EML6: variants seen among roughly 807,000 people sequenced by gnomAD.
The protein encoded by EML6 is echinoderm microtubule-associated protein-like 6.
Under a neutral mutation model 240.1 loss-of-function variants are expected in EML6, and 154 were observed. The observed-to-expected ratio is 0.64, with a 90% confidence interval of 0.56 to 0.73. EML6 has a LOEUF of 0.73. Ranked by LOEUF, EML6 falls within the 30% of genes least tolerant of loss-of-function variation. The probability of loss-of-function intolerance (pLI) is 0.00; values close to 1 mark genes in which losing one functional copy is unlikely to be tolerated. For missense variants in EML6, 2,964 were observed against 2,474.6 expected (o/e 1.20, Z -4.20); for synonymous variants, 1,148 against 899.0 (o/e 1.28, Z -4.95).
chr2:54,964,007 T>C lies in EML6; in HGVS notation c.5179T>C (p.Leu1727=). 6.4e-7 allele frequency: 1 copy of C among 1,551,422 alleles called. No individual in the cohort carries two copies. The highest frequency in any genetic ancestry group is 8.7e-7 in the Non-Finnish European group (1 of 1,146,878). The change falls in exon 37 of 42, where the codon TTG becomes CTG. Residue 1727 remains leucine (L), a synonymous_variant. Coordinates refer to ENST00000356458, the MANE Select transcript of EML6 (RefSeq NM_001039753.4). ...GTAGAAGCTGTTAAACAAGGTGAGCTTGGGCCATGCGGCCAGGTGTGCAGC... is the reference window on the plus strand; with the variant it reads ...GTAGAAGCTGTTAAACAAGGTGAGCCTGGGCCATGCGGCCAGGTGTGCAGC... The part of the protein sequence containing the change: ...ADKKLLNKVS[L]GHAARCAAYS...
chr2:54,741,739 G>T (rs1257735657), intron 2 of EML6, among the ~76,000 whole-genome samples: 1 of 152,160 alleles, frequency 6.6e-6, no homozygotes, highest in South Asian at 2.1e-4. Flanking sequence ...TTCCATTGGC[G>T]ACATCTGGGA....
intron 2 of EML6, among the ~76,000 whole-genome samples, chr2:54,784,494 G>T (rs1338726664): frequency 6.6e-6 from 1 of 151,964 alleles, no homozygotes; most frequent in Non-Finnish European, 1.5e-5. Context: ...TGCCAATATT[G>T]GGTGTTACAC....
intron 24 of EML6, among the ~76,000 whole-genome samples, chr2:54,907,945 TAAGA>T (rs1372780667): frequency 2.1e-3 from 47 of 22,098 alleles, no homozygotes; most frequent in Middle Eastern, 0.029. Flanking sequence ...GATAGATAGA[TAAGA>T]TAGATAGATA....
At chr2:54,919,863 C>A (rs1186371503) in intron 26 of EML6, among the ~76,000 whole-genome samples, 1 of 152,160 alleles carries the variant, frequency 6.6e-6, no homozygotes, top group Non-Finnish European at 1.5e-5. Flanking sequence ...AGGAAGGAAC[C>A]AGTGCAAAAG....
At position 54,895,278 on chromosome 2, in the gene EML6, C is replaced by G; in HGVS notation, c.2860C>G (p.Leu954Val). Residue 954 changes from leucine to valine, a missense_variant, in exon 21 of 42, where the codon CTT (leucine) becomes GTT (valine). Transcript: ENST00000356458. Reference protein sequence around the residue: ...SALSTSSKGLLLEDNPSIRAI... With the variant: ...SALSTSSKGLVLEDNPSIRAI... ...TATACCATCCCCTTCCCCAGGCTTG[C>G]TTTTGGAAGATAACCCTTCAATTCG... is the stretch of plus-strand genomic sequence containing the variant. 3 of 1,551,586 alleles carry G rather than the reference C, an allele frequency of 1.9e-6. No individual in the cohort carries two copies. The highest frequency in any genetic ancestry group is 2.6e-6 in the Non-Finnish European group (3 of 1,146,874).
chr2:54,915,558 C>T (rs976811384), intron 25 of EML6, among the ~76,000 whole-genome samples: 1 of 152,220 alleles, frequency 6.6e-6, no homozygotes, highest in South Asian at 2.1e-4. Context: ...CCAAGGCCCC[C>T]AAGTCACAGG....
chr2:54,932,418 T>C (rs1285470490), intron 28 of EML6, among the ~76,000 whole-genome samples: 1 of 152,204 alleles, frequency 6.6e-6, no homozygotes, highest in Non-Finnish European at 1.5e-5. Context: ...TACCCCACGC[T>C]GCCCTCCTTC....
chr2:54,865,472 A>G (rs1670924600), intron 13 of EML6, among the ~76,000 whole-genome samples: 1 of 152,234 alleles, frequency 6.6e-6, no homozygotes, highest in African/African-American at 2.4e-5. Flanking sequence ...TCTAAGAAAA[A>G]TAAATAAAAG....
At chr2:54,955,991 C>T (rs565119259) in intron 32 of EML6, among the ~76,000 whole-genome samples, 1 of 151,422 alleles carries the variant, frequency 6.6e-6, no homozygotes, top group East Asian at 2.0e-4. Flanking sequence ...ATTCATTCTT[C>T]ATTTATTAGA....
intron 2 of EML6, among the ~76,000 whole-genome samples, chr2:54,782,666 A>T (rs374443547): frequency 2.1e-5 from 3 of 143,966 alleles, no homozygotes; most frequent in Non-Finnish European, 3.0e-5. Flanking sequence ...ACCTACTTGT[A>T]TTTTTTTTTT....
chr2:54,818,793 A>AT (rs1242697748), intron 4 of EML6, among the ~76,000 whole-genome samples: 2 of 152,120 alleles, frequency 1.3e-5, no homozygotes, highest in Non-Finnish European at 2.9e-5. Context: ...GAAATGCTTT[A>AT]TTTGGAACAC....
intron 36 of EML6, 75 bp downstream of exon 36, chr2:54,962,786 C>A (rs1172978348): frequency 7.9e-7 from 1 of 1,263,972 alleles, no homozygotes; most frequent in African/African-American, 1.5e-5. Context: ...GAGGAGAGGC[C>A]CAGCCAGCGT....
At chr2:54,780,141 G>A (rs1324187565) in intron 2 of EML6, among the ~76,000 whole-genome samples, 1 of 152,062 alleles carries the variant, frequency 6.6e-6, no homozygotes, top group Non-Finnish European at 1.5e-5. Context: ...CAACTGAGAG[G>A]CATTTATTAA....
rs567116710 is a variant in EML6 at position 54,823,965 on chromosome 2, G to C, written c.525+3503G>C. Among the ~76,000 whole-genome samples the C allele has an allele frequency of 4.0e-5, 6 of 151,380 alleles. No homozygotes were observed. In the South Asian group the frequency reaches 1.0e-3, roughly 26 times the overall value. On this transcript the variant is annotated intron_variant, in intron 5 of 41. Coordinates refer to ENST00000356458, the MANE Select transcript of EML6 (RefSeq NM_001039753.4). Reference sequence around the variant, plus strand: ...TTAAAGAGTATGGAACCCAGTAGGGGCACAATAATGTTAATTTCGTTCCCC... The same window carrying C: ...TTAAAGAGTATGGAACCCAGTAGGGCCACAATAATGTTAATTTCGTTCCCC...
chr2:54,726,214 G>T (rs1305916752), intron 2 of EML6, among the ~76,000 whole-genome samples: 3 of 152,198 alleles, frequency 2.0e-5, no homozygotes, highest in African/African-American at 7.2e-5. Flanking sequence ...GCTGAGGATG[G>T]ACTACAACTG....
chr2:54,956,102 T>C, intron 32 of EML6, among the ~76,000 whole-genome samples: 1 of 152,084 alleles, frequency 6.6e-6, no homozygotes, highest in East Asian at 1.9e-4. Context: ...AGGTCCTAGG[T>C]ATATGTGTAA....
At chr2:54,812,487 C>T (rs1667898217) in intron 2 of EML6, among the ~76,000 whole-genome samples, 1 of 151,324 alleles carries the variant, frequency 6.6e-6, no homozygotes, top group Non-Finnish European at 1.5e-5. Flanking sequence ...TTTAGAAAGA[C>T]ACAACGCCTA....
Position 54,895,292 on chromosome 2 carries a change from C to G in EML6, c.2874C>G (p.Asn958Lys). The G allele has an allele frequency of 6.4e-7, 1 of 1,551,642 alleles. No individual in the cohort carries two copies. Among genetic ancestry groups the G allele is most frequent in the Non-Finnish European group, 8.7e-7 (1 of 1,146,884 alleles). ...TSSKGLLLED[N>K]PSIRAITLGH... ...CCCCAGGCTTGCTTTTGGAAGATAA[C>G]CCTTCAATTCGTGCCATCACTTTGG... Residue 958 changes from asparagine to lysine, a missense_variant, in exon 21 of 42, where the codon AAC (asparagine) becomes AAG (lysine). By Grantham distance (94) the Asn-to-Lys change is moderately conservative (BLOSUM62 0). Coordinates refer to ENST00000356458, the MANE Select transcript of EML6 (RefSeq NM_001039753.4).
chr2:54,822,144 A>G (rs1264529067), intron 5 of EML6, among the ~76,000 whole-genome samples: 4 of 152,196 alleles, frequency 2.6e-5, no homozygotes, highest in African/African-American at 9.6e-5. Flanking sequence ...ACTGTTGGCC[A>G]ATAGACTTAT....
Sources: gnomAD v4.1 joint callset for allele counts (sites outside exome capture counted in the v4.1 genomes callset) on GRCh38, gnomAD v4.1.1 for gene constraint, MANE v1.5 for transcripts, NCBI Gene and HGNC (gene_info 2026-07-23, HGNC 2026-07-21) for gene names.